Variants in LRCH1 observed in about 807,000 individuals in gnomAD.
LRCH1 encodes the protein leucine-rich repeat and calponin homology domain-containing protein 1.
Under a neutral mutation model 94.9 loss-of-function variants are expected in LRCH1, and 23 were observed. That is an observed-to-expected ratio of 0.24 (90% confidence interval 0.17 to 0.34). LRCH1 has a LOEUF of 0.34. Ranked by LOEUF, LRCH1 falls within the 10% of genes least tolerant of loss-of-function variation. LRCH1 has a pLI of 1.00. For synonymous variants in LRCH1, 364 were observed against 354.9 expected (o/e 1.03, Z -0.29); for missense variants, 790 against 945.9 (o/e 0.84, Z 2.16).
chr13:46,750,129 T>C (rs943383501), intron 18 of LRCH1, among the ~76,000 whole-genome samples: 1 of 152,178 alleles, frequency 6.6e-6, no homozygotes, highest in African/African-American at 2.4e-5. Flanking sequence ...AGTATAACAA[T>C]GTGTGGTCGG....
At chr13:46,748,622 C>T (rs1006184535), downstream of LRCH1, among the ~76,000 whole-genome samples, 2 of 152,212 alleles carry the variant, frequency 1.3e-5, no homozygotes, top group Non-Finnish European at 2.9e-5. Context: ...CCATTGTTAA[C>T]AGCCTGGCTC....
chr13:46,579,484 A>G (rs1421532201), intron 1 of LRCH1, among the ~76,000 whole-genome samples: 2 of 144,258 alleles, frequency 1.4e-5, no homozygotes, highest in Non-Finnish European at 3.0e-5. Flanking sequence ...TTAACCATAT[A>G]TGCTAACTTT....
chr13:46,687,737 A>T, intron 5 of LRCH1, 115 bp from the exon 6 acceptor site: 1 of 726,974 alleles, frequency 1.4e-6, no homozygotes, highest in Non-Finnish European at 2.2e-6. Context: ...GTACATTGGT[A>T]GGGTGTTACT....
chr13:46,633,879 A>ATTT (rs796924628), intron 1 of LRCH1, among the ~76,000 whole-genome samples: 4 of 122,642 alleles, frequency 3.3e-5, no homozygotes, highest in Non-Finnish European at 5.2e-5. Context: ...CTTTTCCTGC[A>ATTT]TTTTTTTTTT....
chr13:46,680,248 C>T (rs1037521962), intron 3 of LRCH1: 1 of 152,130 alleles, frequency 6.6e-6, no homozygotes, highest in African/African-American at 2.4e-5. Context: ...TATGGAGTGT[C>T]ACTGTAAGTG....
intron 16 of LRCH1, chr13:46,717,818 T>C (rs1020626312): frequency 6.6e-6 from 1 of 152,188 alleles, no homozygotes; most frequent in Non-Finnish European, 1.5e-5. Context: ...CTTTCAAATA[T>C]CTTATTCCCA....
chr13:46,611,173 T>C (rs1412621535), intron 1 of LRCH1, among the ~76,000 whole-genome samples: 1 of 152,178 alleles, frequency 6.6e-6, no homozygotes, highest in Non-Finnish European at 1.5e-5. Context: ...TTTGCAGTTG[T>C]CACATGATGA....
intron 2 of LRCH1, among the ~76,000 whole-genome samples, chr13:46,652,021 G>A (rs2051309368): frequency 1.6e-5 from 1 of 61,124 alleles, no homozygotes; most frequent in Non-Finnish European, 3.6e-5. Flanking sequence ...CCAAGTAGCT[G>A]GGACTACAGG....
chr13:46,593,809 C>A (rs1002611814), intron 1 of LRCH1, among the ~76,000 whole-genome samples: 1 of 152,178 alleles, frequency 6.6e-6, no homozygotes, highest in African/African-American at 2.4e-5. Context: ...TCTAAACTCA[C>A]TCTGATCTGA....
chr13:46,639,713 G>A (rs2051136156), intron 1 of LRCH1, among the ~76,000 whole-genome samples: 1 of 152,118 alleles, frequency 6.6e-6, no homozygotes, highest in African/African-American at 2.4e-5. Context: ...CCTGTTCACT[G>A]CCCAGGGTCT....
chr13:46,705,255 C>CTT lies in LRCH1; in HGVS notation c.1491-12_1491-11dup. 1 of 1,597,138 alleles carries CTT rather than the reference C, an allele frequency of 6.3e-7. No homozygotes were observed. Among genetic ancestry groups the CTT allele is most frequent in the Non-Finnish European group, 8.5e-7 (1 of 1,173,688 alleles). On this transcript the variant is annotated splice_polypyrimidine_tract_variant and intron_variant, in intron 12 of 19. Transcript: ENST00000389797. ...CACTTTGTATCTTTTTTTTTCTTTC[C>CTT]TTGTTCTCACAGTGGTCAAATACAG...
intron 3 of LRCH1, among the ~76,000 whole-genome samples, chr13:46,670,156 G>A (rs1177447557): frequency 6.6e-6 from 1 of 152,194 alleles, no homozygotes; most frequent in Non-Finnish European, 1.5e-5. Context: ...CTTTAATATA[G>A]AAATTAATAA....
intron 1 of LRCH1, among the ~76,000 whole-genome samples, chr13:46,623,804 T>C (rs1056164828): frequency 6.6e-6 from 1 of 151,678 alleles, no homozygotes; most frequent in Non-Finnish European, 1.5e-5. Flanking sequence ...GTTGGTGTGC[T>C]GCACCCATTA....
chr13:46,723,628 T>A (rs1481069159), intron 17 of LRCH1, among the ~76,000 whole-genome samples: 1 of 152,134 alleles, frequency 6.6e-6, no homozygotes. Flanking sequence ...TGGTGAGCCC[T>A]GTCTCTACTA....
intron 1 of LRCH1, among the ~76,000 whole-genome samples, chr13:46,626,419 T>C (rs1189007224): frequency 3.3e-5 from 5 of 152,202 alleles, no homozygotes; most frequent in Non-Finnish European, 7.3e-5. Flanking sequence ...GTGATTTGTT[T>C]CTGCCCCACC....
chr13:46,741,726 G>T lies in LRCH1; in HGVS notation c.2170G>T (p.Glu724Ter), dbSNP rs1343738619. Residue 724 changes from glutamate to a stop codon, truncating the protein, a stop_gained, in exon 20 of 20, where the codon GAG becomes TAG. Transcript: ENST00000389797. LOFTEE classifies it high-confidence loss of function. The stretch of plus-strand genomic sequence containing the variant: ...TGTTGACACTCTGCTGGCACTCGGG[G>T]AGAAAGCCCCACCACCAACTTCTGC... ...KTVDTLLALG[E>*]KAPPPTSALR... 1 of 1,614,100 alleles carries T rather than the reference G, an allele frequency of 6.2e-7. No homozygotes were observed. The highest frequency in any genetic ancestry group is 1.3e-5 in the African/African-American group (1 of 74,948).
At chr13:46,575,963 A>G (rs1594255902) in intron 1 of LRCH1, among the ~76,000 whole-genome samples, 1 of 152,200 alleles carries the variant, frequency 6.6e-6, no homozygotes, top group Non-Finnish European at 1.5e-5. Flanking sequence ...AAAATAGTAC[A>G]TCATCTCAGA....
intron 1 of LRCH1, among the ~76,000 whole-genome samples, chr13:46,559,872 CTG>C (rs1375606699): frequency 6.6e-6 from 1 of 152,132 alleles, no homozygotes; most frequent in Non-Finnish European, 1.5e-5. Flanking sequence ...AAATTATTGA[CTG>C]AGACTTTTTT....
At chr13:46,559,178 A>G (rs542813341) in intron 1 of LRCH1, among the ~76,000 whole-genome samples, 6 of 152,352 alleles carry the variant, frequency 3.9e-5, no homozygotes, top group African/African-American at 1.4e-4. Context: ...TTTGCCATCA[A>G]TATGTTTCAC....
Sources: allele counts gnomAD v4.1 joint callset (sites outside exome capture counted in the v4.1 genomes callset), GRCh38; gene constraint gnomAD v4.1.1; transcripts MANE v1.5; gene names NCBI Gene and HGNC (gene_info 2026-07-23, HGNC 2026-07-21).